CCDC12: variants seen among roughly 807,000 people sequenced by gnomAD.
CCDC12 encodes coiled-coil domain-containing protein 12.
Under a neutral mutation model 25.7 loss-of-function variants are expected in CCDC12, and 28 were observed. The ratio of observed to expected loss-of-function variants is 1.09; its 90% confidence interval spans 0.81 to 1.50. The LOEUF (loss-of-function observed/expected upper bound fraction) is 1.50, where lower values mean the gene tolerates loss of function less well. Among genes scored for constraint, CCDC12 ranks in the 40% most tolerant of loss-of-function variants. The pLI, the probability that CCDC12 is intolerant of heterozygous loss-of-function variation, is 0.00. For missense variants in CCDC12, 198 were observed against 210.0 expected (o/e 0.94, Z 0.35); for synonymous variants, 75 against 87.7 (o/e 0.86, Z 0.81).
At chr3:46,965,779 C>T (rs546026701) in intron 1 of CCDC12, among the ~76,000 whole-genome samples, 1 of 152,344 alleles carries the variant, frequency 6.6e-6, no homozygotes, top group South Asian at 2.1e-4. Flanking sequence ...TCCCTTACTT[C>T]TCCACATCTG....
intron 1 of CCDC12, among the ~76,000 whole-genome samples, chr3:46,954,533 G>A (rs1451126212): frequency 6.6e-6 from 1 of 152,220 alleles, no homozygotes; most frequent in Admixed American, 6.5e-5. Context: ...GGCACCAGAT[G>A]CATCAACCTC....
chr3:46,951,792 A>ATAT (rs1439046255), intron 1 of CCDC12, among the ~76,000 whole-genome samples: 2,110 of 24,566 alleles, frequency 0.086, 100 homozygotes, highest in Non-Finnish European at 0.14. Context: ...AAAAAAAAAA[A>ATAT]AAAAAAATAT....
intron 1 of CCDC12, among the ~76,000 whole-genome samples, chr3:46,954,255 C>T (rs1307686975): frequency 1.3e-5 from 2 of 152,180 alleles, no homozygotes; most frequent in Non-Finnish European, 2.9e-5. Flanking sequence ...AAGAAGGTGA[C>T]CTTTCTCCAC....
intron 2 of CCDC12, among the ~76,000 whole-genome samples, chr3:46,932,630 CAAG>C (rs1041766801): frequency 2.8e-4 from 43 of 152,242 alleles, no homozygotes; most frequent in Admixed American, 2.0e-4. Context: ...GCACATGACA[CAAG>C]AAGTGACCAT....
chr3:46,922,628 CTTG>C (rs1575532862), intron 5 of CCDC12: 3 of 434,928 alleles, frequency 6.9e-6, no homozygotes, highest in East Asian at 4.8e-5. Flanking sequence ...CAGGGAGTGA[CTTG>C]CTCCTGCCCA....
At chr3:46,961,604 A>G (rs915656739) in intron 1 of CCDC12, among the ~76,000 whole-genome samples, 1 of 152,234 alleles carries the variant, frequency 6.6e-6, no homozygotes, top group African/African-American at 2.4e-5. Context: ...TACCCACTAC[A>G]GTGCCATGGG....
chr3:46,941,165 C>A (rs2033687149), intron 1 of CCDC12, 100 bp from the exon 2 acceptor site: 2 of 1,140,496 alleles, frequency 1.8e-6, no homozygotes, highest in South Asian at 2.5e-5. Flanking sequence ...AGAAGGGGGG[C>A]ACCTGGCAGG....
intron 2 of CCDC12, among the ~76,000 whole-genome samples, chr3:46,926,371 C>T (rs955394353): frequency 6.6e-6 from 1 of 152,240 alleles, no homozygotes; most frequent in Admixed American, 6.5e-5. Flanking sequence ...AGGCCACAGT[C>T]CACCAGGACA....
upstream of CCDC12, among the ~76,000 whole-genome samples, chr3:46,980,441 C>T (rs1042518401): frequency 6.6e-6 from 1 of 152,048 alleles, no homozygotes; most frequent in African/African-American, 2.4e-5. Flanking sequence ...TGAGTTGCAT[C>T]CCCCCACACC....
At chr3:46,968,498 T>C (rs1559566032) in intron 1 of CCDC12, among the ~76,000 whole-genome samples, 1 of 152,218 alleles carries the variant, frequency 6.6e-6, no homozygotes, top group East Asian at 1.9e-4. Context: ...AGACACTTCA[T>C]AGACAGCATC....
intron 1 of CCDC12, among the ~76,000 whole-genome samples, chr3:46,944,507 C>A (rs1257227589): frequency 6.6e-6 from 1 of 152,062 alleles, no homozygotes. Context: ...AGAGACACTT[C>A]GCTCACCCTG....
intron 1 of CCDC12, among the ~76,000 whole-genome samples, chr3:46,971,720 G>A (rs1372665559): frequency 3.9e-5 from 6 of 152,162 alleles, no homozygotes; most frequent in African/African-American, 1.4e-4. Flanking sequence ...AAGGCCTCCA[G>A]CAAAACCATG....
At position 46,959,153 on chromosome 3, in the gene CCDC12, G is replaced by T. The variant is rs555979473; in HGVS notation, c.96+17484C>A. Among the ~76,000 whole-genome samples, 10 of 152,132 alleles carry T rather than the reference G, an allele frequency of 6.6e-5. No individual in the cohort carries two copies. The South Asian group carries it at 2.1e-3, about 32-fold the overall frequency. ...AGAACTGGCACATTTTTTTGTGGGG[G>T]GAAATACTGCTTCACAAGGTCTTAT... On this transcript the variant is annotated intron_variant, in intron 1 of 6. Transcript: ENST00000683445.
upstream of CCDC12, among the ~76,000 whole-genome samples, chr3:46,977,778 CA>C (rs1416943856): frequency 1.3e-5 from 2 of 152,184 alleles, no homozygotes; most frequent in Admixed American, 1.3e-4. Context: ...AACCTGGGTC[CA>C]GTGGGCCTCA....
chr3:46,959,708 G>A (rs566592861), intron 1 of CCDC12, among the ~76,000 whole-genome samples: 2 of 152,284 alleles, frequency 1.3e-5, no homozygotes, highest in Admixed American at 6.5e-5. Context: ...TGGGGGGACA[G>A]GGAGGTGGCA....
intron 1 of CCDC12, among the ~76,000 whole-genome samples, chr3:46,946,171 G>A (rs551286956): frequency 6.6e-6 from 1 of 152,332 alleles, no homozygotes; most frequent in East Asian, 1.9e-4. Context: ...CCCACCCACA[G>A]TAAGATGAAG....
intron 1 of CCDC12, among the ~76,000 whole-genome samples, chr3:46,955,951 G>A (rs1342184212): frequency 6.6e-6 from 1 of 152,168 alleles, no homozygotes. Context: ...CCCGGAATCA[G>A]GTATTATCAC....
chr3:46,938,190 G>A (rs1321451738), intron 2 of CCDC12, among the ~76,000 whole-genome samples: 10 of 13,878 alleles, frequency 7.2e-4, no homozygotes, highest in South Asian at 0.2. Context: ...CCTGGGCTGC[G>A]GTGAGAAAAA....
chr3:46,940,746 G>T, intron 2 of CCDC12: 1 of 539,718 alleles, frequency 1.9e-6, no homozygotes, highest in Non-Finnish European at 3.3e-6. Flanking sequence ...AAGGCATAAT[G>T]TAAGGGCTAG....
Sources: allele counts gnomAD v4.1 joint callset (sites outside exome capture counted in the v4.1 genomes callset), GRCh38; gene constraint gnomAD v4.1.1; transcripts MANE v1.5; gene names NCBI Gene and HGNC (gene_info 2026-07-23, HGNC 2026-07-21).